Variants in MAP4K3 observed in about 807,000 individuals in gnomAD.
The protein encoded by MAP4K3 is mitogen-activated protein kinase kinase kinase kinase 3.
MAP4K3 carries 94 observed loss-of-function variants against 143.5 expected under a neutral mutation model. The observed-to-expected ratio is 0.65, with a 90% CI of 0.55 to 0.78. The LOEUF (loss-of-function observed/expected upper bound fraction) is 0.78. Ranked by LOEUF, MAP4K3 falls within the 30% of genes least tolerant of loss-of-function variation. The pLI is 0.00. For synonymous variants in MAP4K3, 416 were observed against 347.2 expected (o/e 1.20, Z -2.20); for missense variants, 1,077 against 1,068.1 (o/e 1.01, Z -0.12).
intron 21 of MAP4K3, among the ~76,000 whole-genome samples, chr2:39,285,947 T>C (rs1681757285): frequency 6.6e-6 from 1 of 152,214 alleles, no homozygotes; most frequent in Admixed American, 6.5e-5. Context: ...ATAACATTTA[T>C]GTTTTAATAG....
intron 27 of MAP4K3, among the ~76,000 whole-genome samples, chr2:39,266,180 T>C (rs17505544): frequency 0.28 from 42,110 of 152,164 alleles, 7,566 homozygotes; most frequent in Non-Finnish European, 0.39. Context: ...TCAACCACCA[T>C]GTCTAAACCC....
At chr2:39,378,712 C>A (rs1573218701) in intron 1 of MAP4K3, among the ~76,000 whole-genome samples, 1 of 152,062 alleles carries the variant, frequency 6.6e-6, no homozygotes, top group South Asian at 2.1e-4. Flanking sequence ...TCCTTTTAAA[C>A]ACACCTGATG....
intron 27 of MAP4K3, 30 bp downstream of exon 27, chr2:39,267,159 G>A (rs368382813): frequency 6.2e-7 from 1 of 1,608,194 alleles, no homozygotes; most frequent in Non-Finnish European, 8.5e-7. Context: ...GAGTCTCAGA[G>A]AGCTATATGC....
At chr2:39,374,890 T>C (rs919343548) in intron 2 of MAP4K3, among the ~76,000 whole-genome samples, 2 of 152,118 alleles carry the variant, frequency 1.3e-5, no homozygotes, top group Admixed American at 6.6e-5. Flanking sequence ...AGACAGAAAT[T>C]CTTAAAATCC....
At chr2:39,375,338 T>C (rs1666189341) in intron 2 of MAP4K3, among the ~76,000 whole-genome samples, 1 of 151,962 alleles carries the variant, frequency 6.6e-6, no homozygotes. Context: ...ATACCCCAAA[T>C]AAAACCGGAG....
intron 1 of MAP4K3, among the ~76,000 whole-genome samples, chr2:39,395,665 C>A (rs2148601093): frequency 6.6e-6 from 1 of 152,292 alleles, no homozygotes; most frequent in South Asian, 2.1e-4. Context: ...TGTGACATAA[C>A]AAAACTTTGT....
At chr2:39,353,171 C>T (rs1665507283) in intron 3 of MAP4K3, among the ~76,000 whole-genome samples, 1 of 152,078 alleles carries the variant, frequency 6.6e-6, no homozygotes, top group Non-Finnish European at 1.5e-5. Flanking sequence ...TCATTTATAC[C>T]CCACTTCATT....
At chr2:39,408,236 T>C (rs1416845953) in intron 1 of MAP4K3, among the ~76,000 whole-genome samples, 1 of 152,232 alleles carries the variant, frequency 6.6e-6, no homozygotes, top group African/African-American at 2.4e-5. Flanking sequence ...AGTAAGGAAC[T>C]GCCTTTTAAA....
Position 39,288,250 on chromosome 2 carries a change from G to T in MAP4K3, c.1345C>A (p.His449Asn), listed in dbSNP as rs1246565574. ...PKSIFIPQEM[H>N]STEDENQGTI... ...CCTTGATTTTCATCCTCAGTAGAAT[G>T]CATTTCCTGTGGTATGAAGATAGAC... Residue 449 changes from histidine (H) to asparagine (N), a missense_variant, in exon 20 of 34, where the codon CAT becomes AAT. Coordinates refer to ENST00000263881, the MANE Select transcript of MAP4K3 (RefSeq NM_003618.4). The T allele has an allele frequency of 1.9e-6, 3 of 1,613,964 alleles. No individual in the cohort carries two copies. In the East Asian group the frequency reaches 6.7e-5, roughly 36 times the overall value.
At chr2:39,305,344 A>G (rs1318724815) in intron 15 of MAP4K3, among the ~76,000 whole-genome samples, 1 of 152,210 alleles carries the variant, frequency 6.6e-6, no homozygotes, top group Non-Finnish European at 1.5e-5. Flanking sequence ...TAGAGGCAAC[A>G]CAGTACAGTG....
At position 39,252,256 on chromosome 2, in the gene MAP4K3, CT is replaced by C. The variant is rs541947934; in HGVS notation, c.2542-372del. On this transcript the variant is annotated intron_variant, in intron 32 of 33. Transcript: ENST00000263881. ...AAGCTACTTAGATCTGCTTCTTTTA[CT>C]TAAAAAGGCTGCCACGTAGTGTAAC... 5.8e-4 allele frequency among the ~76,000 whole-genome samples: 89 copies of C among 152,360 alleles called. 1 individual carries two copies. The South Asian group carries it at 7.5e-3, about 13-fold the overall frequency.
intron 28 of MAP4K3, among the ~76,000 whole-genome samples, chr2:39,263,423 C>T (rs1680644327): frequency 6.9e-6 from 1 of 145,214 alleles, no homozygotes; most frequent in Non-Finnish European, 1.5e-5. Flanking sequence ...CAGGCGCCCA[C>T]CATCACGCCC....
chr2:39,369,612 G>A (rs1386183214), intron 2 of MAP4K3, among the ~76,000 whole-genome samples: 1 of 152,060 alleles, frequency 6.6e-6, no homozygotes. Flanking sequence ...TCCTCATGTG[G>A]AATACCCTCC....
intron 16 of MAP4K3, 149 bp from the exon 17 acceptor site, chr2:39,293,417 C>T (rs941960439): frequency 4.1e-5 from 24 of 583,976 alleles, no homozygotes; most frequent in Non-Finnish European, 1.8e-5. Context: ...ATCACCTCTG[C>T]AACCATAAAA....
intron 1 of MAP4K3, among the ~76,000 whole-genome samples, chr2:39,384,840 G>A (rs1239761009): frequency 6.6e-6 from 1 of 152,098 alleles, no homozygotes; most frequent in African/African-American, 2.4e-5. Flanking sequence ...ATTAGATTAT[G>A]TAACCACCAC....
intron 6 of MAP4K3, among the ~76,000 whole-genome samples, chr2:39,334,304 G>C (rs1405953650): frequency 1.3e-5 from 2 of 152,076 alleles, no homozygotes; most frequent in Non-Finnish European, 2.9e-5. Context: ...ATATCCCAAA[G>C]GTATTGTGGG....
At chr2:39,384,505 C>T (rs1666441127) in intron 1 of MAP4K3, among the ~76,000 whole-genome samples, 1 of 152,226 alleles carries the variant, frequency 6.6e-6, no homozygotes, top group Non-Finnish European at 1.5e-5. Flanking sequence ...GAGATTGCGC[C>T]ACTGCGCTCC....
At chr2:39,312,521 A>C (rs1002859623) in intron 13 of MAP4K3, among the ~76,000 whole-genome samples, 3 of 152,196 alleles carry the variant, frequency 2.0e-5, no homozygotes, top group Non-Finnish European at 4.4e-5. Flanking sequence ...GTTAATACCA[A>C]TGAAAGAAGA....
At chr2:39,258,787 TG>T (rs1680447112) in intron 29 of MAP4K3, among the ~76,000 whole-genome samples, 200 bp from the exon 30 acceptor site, 1 of 152,226 alleles carries the variant, frequency 6.6e-6, no homozygotes, top group African/African-American at 2.4e-5. Flanking sequence ...ACAGAGCATA[TG>T]TTGGCTGTTG....
Sources: gnomAD v4.1 joint callset for allele counts (sites outside exome capture counted in the v4.1 genomes callset) on GRCh38, gnomAD v4.1.1 for gene constraint, MANE v1.5 for transcripts, NCBI Gene and HGNC (gene_info 2026-07-23, HGNC 2026-07-21) for gene names.